Variants in CARNMT1 observed in about 807,000 individuals in gnomAD.
CARNMT1 encodes protein-L-histidine N-pros-methyltransferase CARNMT1.
A neutral mutation model predicts 49.6 loss-of-function variants in CARNMT1; 28 were observed. The observed-to-expected ratio is 0.56, with a 90% CI of 0.42 to 0.77. The LOEUF (loss-of-function observed/expected upper bound fraction) is 0.77. Ranked by LOEUF, CARNMT1 falls within the 30% of genes least tolerant of loss-of-function variation. The pLI is 0.00. For synonymous variants in CARNMT1, 178 were observed against 175.0 expected, an observed-to-expected ratio of 1.02 and a Z score of -0.13; for missense variants, 421 against 512.6, an observed-to-expected ratio of 0.82 and a Z score of 1.73.
intron 3 of CARNMT1, among the ~76,000 whole-genome samples, chr9:75,013,251 G>A (rs1213383283): frequency 6.6e-6 from 1 of 152,106 alleles, no homozygotes; most frequent in Non-Finnish European, 1.5e-5. Flanking sequence ...TCTCACCATG[G>A]ACTGGTCAGG....
intron 5 of CARNMT1, among the ~76,000 whole-genome samples, chr9:74,998,005 C>T (rs1833242193): frequency 6.6e-6 from 1 of 152,122 alleles, no homozygotes; most frequent in Admixed American, 6.6e-5. Flanking sequence ...TCCACTTTCC[C>T]TATTACCATC....
intron 6 of CARNMT1, among the ~76,000 whole-genome samples, chr9:74,989,246 G>A (rs1169574190): frequency 6.6e-6 from 1 of 151,946 alleles, no homozygotes; most frequent in East Asian, 1.9e-4. Context: ...AAGTAGCTGG[G>A]ACTACAGGCA....
At chr9:75,010,004 T>A (rs1021895984) in intron 3 of CARNMT1, 5 of 151,556 alleles carry the variant, frequency 3.3e-5, no homozygotes, top group African/African-American at 1.2e-4. Context: ...ACAGACAGAG[T>A]ATATGTGTAG....
intron 3 of CARNMT1, among the ~76,000 whole-genome samples, chr9:75,003,159 T>C (rs1335157899): frequency 1.3e-5 from 2 of 152,210 alleles, no homozygotes; most frequent in Non-Finnish European, 2.9e-5. Flanking sequence ...AACTTCTCAC[T>C]GATCCCAGAA....
chr9:75,005,866 A>ACG (rs1185139353), intron 3 of CARNMT1, among the ~76,000 whole-genome samples: 1 of 148,724 alleles, frequency 6.7e-6, no homozygotes, highest in Non-Finnish European at 1.5e-5. Context: ...ACACACACAC[A>ACG]CACACACAAT....
chr9:75,011,209 T>C (rs1372793093), intron 3 of CARNMT1, among the ~76,000 whole-genome samples: 1 of 152,174 alleles, frequency 6.6e-6, no homozygotes, highest in Non-Finnish European at 1.5e-5. Context: ...ACACTGCCAG[T>C]AGACAGACAA....
chr9:75,026,977 A>G, intron 1 of CARNMT1: 1 of 780,730 alleles, frequency 1.3e-6, no homozygotes, highest in Non-Finnish European at 1.9e-6. Context: ...AAAAACAACT[A>G]TAATACATAA....
chr9:75,001,426 G>A (rs1357450926), intron 3 of CARNMT1, among the ~76,000 whole-genome samples: 1 of 152,030 alleles, frequency 6.6e-6, no homozygotes, highest in Non-Finnish European at 1.5e-5. Flanking sequence ...CAACCTAATG[G>A]CAGAAAATAT....
chr9:75,027,946 G>A (rs1170788499), intron 1 of CARNMT1, 66 bp downstream of exon 1: 10 of 1,468,274 alleles, frequency 6.8e-6, no homozygotes, highest in African/African-American at 1.5e-5. Context: ...CCCCCGTTCC[G>A]GCGGGTCCGC....
chr9:75,002,685 A>G (rs1228205296), intron 3 of CARNMT1, among the ~76,000 whole-genome samples: 1 of 152,226 alleles, frequency 6.6e-6, no homozygotes, highest in Non-Finnish European at 1.5e-5. Context: ...TTTAATATGA[A>G]AAAGAGATCT....
At position 74,981,758 on chromosome 9, in the gene CARNMT1, TTTGATACAA is replaced by T. The variant is rs1832698149; in HGVS notation, c.*2000_*2008del. ...TGTGACAAAAACAAAGATCATTTGT[TTTGATACAA>T]GTTGTAAAAAAGTGAATACTAGTCA... On this transcript the variant is annotated 3_prime_UTR_variant, in exon 8 of 8. Transcript: ENST00000376834. 1 of 152,088 alleles carries T rather than the reference TTTGATACAA, an allele frequency of 6.6e-6. No individual in the cohort carries two copies. Among genetic ancestry groups the T allele is most frequent in the Non-Finnish European group, 1.5e-5 (1 of 67,988 alleles). The allele number at this position is 152,088 out of a possible 1,614,324, so 9.4% of individuals were successfully genotyped here.
intron 5 of CARNMT1, among the ~76,000 whole-genome samples, chr9:74,997,081 AACCCAGTAG>A (rs1833209521): frequency 6.6e-6 from 1 of 152,142 alleles, no homozygotes; most frequent in Admixed American, 6.6e-5. Flanking sequence ...AGTGGGTGGG[AACCCAGTAG>A]AGAACACCGT....
intron 3 of CARNMT1, chr9:75,015,667 T>A (rs937284951): frequency 6.6e-6 from 1 of 151,804 alleles, no homozygotes; most frequent in African/African-American, 2.4e-5. Context: ...AAGCCTGCAG[T>A]CCCAGCTACT....
At chr9:75,008,091 C>T (rs1360498051) in intron 3 of CARNMT1, among the ~76,000 whole-genome samples, 1 of 133,720 alleles carries the variant, frequency 7.5e-6, no homozygotes, top group African/African-American at 2.8e-5. Context: ...GATGTCAAAT[C>T]TTTTGGCTTC....
intron 6 of CARNMT1, among the ~76,000 whole-genome samples, chr9:74,985,443 T>C (rs1213651437): frequency 2.0e-5 from 3 of 152,202 alleles, no homozygotes; most frequent in Admixed American, 2.0e-4. Flanking sequence ...AGGAGTTATA[T>C]GGAAGGTTTC....
chr9:74,981,202 G>A lies in CARNMT1; in HGVS notation c.*2565C>T, dbSNP rs527592366. Reference sequence around the variant, plus strand: ...TTACCAAACTTCATAATTTTATACTGTGATTTTTACAGCTTCTCCTTATAT... The same window carrying A: ...TTACCAAACTTCATAATTTTATACTATGATTTTTACAGCTTCTCCTTATAT... On this transcript the variant is annotated 3_prime_UTR_variant, in exon 8 of 8. Transcript: ENST00000376834. 2 of 152,056 alleles carry A rather than the reference G, an allele frequency of 1.3e-5. No homozygotes were observed. Among genetic ancestry groups the A allele is most frequent in the African/African-American group, 4.8e-5 (2 of 41,474 alleles). 9.4% of individuals were successfully genotyped at this position (152,056 alleles called of 1,614,324 possible). A position where few individuals can be genotyped will look rare whatever the true frequency, so the allele number is the denominator to read the frequency against.
At chr9:75,028,400 G>T (rs1282733887), upstream of CARNMT1, 2 of 1,292,344 alleles carry the variant, frequency 1.5e-6, no homozygotes, top group African/African-American at 1.6e-5. Flanking sequence ...TCCGCGCTGG[G>T]CTCCGCCAGG....
intron 1 of CARNMT1, 27 bp from the exon 2 acceptor site, chr9:75,017,475 T>G (rs527668899): frequency 6.3e-7 from 1 of 1,596,228 alleles, no homozygotes; most frequent in African/African-American, 1.3e-5. Context: ...GTTTTTTAAA[T>G]TCACAAAAGA....
rs567572867 is a variant in CARNMT1 at position 74,983,610 on chromosome 9, A to G, written c.*157T>C. 15 of 495,848 alleles carry G rather than the reference A, an allele frequency of 3.0e-5. No individual in the cohort carries two copies. Among genetic ancestry groups the G allele is most frequent in the Non-Finnish European group, 5.1e-5 (14 of 272,872 alleles). The allele number at this position is 495,848 out of a possible 1,614,324, so 30.7% of individuals were successfully genotyped here. A position where few individuals can be genotyped will look rare whatever the true frequency, so the allele number is the denominator to read the frequency against. ...ATATTTCTGAAAAAGCAATAGACAT[A>G]TTAAGAAAATAGACACTATTTCTAA... On this transcript the variant is annotated 3_prime_UTR_variant, in exon 8 of 8. Transcript: ENST00000376834.
Sources: allele counts gnomAD v4.1 joint callset (sites outside exome capture counted in the v4.1 genomes callset), GRCh38; gene constraint gnomAD v4.1.1; transcripts MANE v1.5; gene names NCBI Gene and HGNC (gene_info 2026-07-23, HGNC 2026-07-21).